Variants in DYNC1LI1 observed in about 807,000 individuals in gnomAD.
DYNC1LI1 encodes cytoplasmic dynein 1 light intermediate chain 1.
DYNC1LI1 carries 19 observed loss-of-function variants against 63.8 expected under a neutral mutation model. That is an observed-to-expected ratio of 0.30 (90% CI 0.21 to 0.44). The LOEUF (loss-of-function observed/expected upper bound fraction) is 0.44, where lower values mean the gene tolerates loss of function less well. DYNC1LI1 is among the 20% of genes least tolerant of loss of function. The pLI is 1.00. For synonymous variants in DYNC1LI1, 225 were observed against 232.3 expected, an observed-to-expected ratio of 0.97 and a Z score of 0.28; for missense variants, 565 against 630.2, an observed-to-expected ratio of 0.90 and a Z score of 1.11.
chr3:32,559,751 C>T (rs999430303), intron 2 of DYNC1LI1, among the ~76,000 whole-genome samples: 2 of 152,274 alleles, frequency 1.3e-5, no homozygotes, highest in East Asian at 3.9e-4. Context: ...GTGCTATATC[C>T]CTTCCTTATC....
At chr3:32,569,996 AC>A (rs768325575) in intron 2 of DYNC1LI1, 7 of 398,988 alleles carry the variant, frequency 1.8e-5, no homozygotes, top group Non-Finnish European at 2.8e-5. Flanking sequence ...GCCTCCTGCT[AC>A]CAATTTTTGT....
chr3:32,556,754 C>A (rs147911528), intron 2 of DYNC1LI1, among the ~76,000 whole-genome samples: 28 of 152,252 alleles, frequency 1.8e-4, no homozygotes, highest in African/African-American at 5.3e-4. Context: ...GTTAACCAGG[C>A]TGGTCTTGAA....
At chr3:32,544,777 C>A in intron 4 of DYNC1LI1, 99 bp downstream of exon 4, 3 of 790,368 alleles carry the variant, frequency 3.8e-6, no homozygotes, top group Non-Finnish European at 2.0e-6. Flanking sequence ...AATATGCTTA[C>A]TTCATTAAAC....
At chr3:32,560,177 GTA>G (rs1346650269) in intron 2 of DYNC1LI1, among the ~76,000 whole-genome samples, 1 of 152,208 alleles carries the variant, frequency 6.6e-6, no homozygotes, top group Non-Finnish European at 1.5e-5. Flanking sequence ...GCTCACAGCT[GTA>G]ATCCCAAAAC....
At chr3:32,553,678 C>G (rs1011531459) in intron 2 of DYNC1LI1, among the ~76,000 whole-genome samples, 1 of 152,196 alleles carries the variant, frequency 6.6e-6, no homozygotes, top group Non-Finnish European at 1.5e-5. Context: ...GCAGTGAACA[C>G]TTACAGAGTG....
At chr3:32,552,959 T>C (rs1247631645) in intron 2 of DYNC1LI1, among the ~76,000 whole-genome samples, 2 of 152,254 alleles carry the variant, frequency 1.3e-5, no homozygotes, top group African/African-American at 4.8e-5. Context: ...CCTCCCAAAG[T>C]GCTGGGATTA....
chr3:32,549,741 A>G (rs1485514069), intron 2 of DYNC1LI1, among the ~76,000 whole-genome samples: 12 of 152,212 alleles, frequency 7.9e-5, no homozygotes, highest in Admixed American at 7.9e-4. Context: ...CACTACCTTG[A>G]TTGAGCCATC....
In DYNC1LI1 at chr3:32,570,849, A is replaced by C; in HGVS notation, c.-79T>G. The stretch of plus-strand genomic sequence containing the variant: ...GGCGGTGGCGGTGGAGGCGGCGGGA[A>C]CCCGGATATGGGGCGTTCAGCGCAC... On this transcript the variant is annotated 5_prime_UTR_variant, in exon 1 of 13. Coordinates refer to ENST00000273130, the MANE Select transcript of DYNC1LI1 (RefSeq NM_016141.4). 1 of 1,476,896 alleles carries C rather than the reference A, an allele frequency of 6.8e-7. No homozygotes were observed. The highest frequency in any genetic ancestry group is 9.1e-7 in the Non-Finnish European group (1 of 1,102,420). 91.5% of individuals were successfully genotyped at this position (1,476,896 alleles called of 1,614,324 possible).
At chr3:32,554,298 A>G (rs1403681910) in intron 2 of DYNC1LI1, among the ~76,000 whole-genome samples, 2 of 152,218 alleles carry the variant, frequency 1.3e-5, no homozygotes, top group Non-Finnish European at 2.9e-5. Flanking sequence ...AGTACTCTGT[A>G]GATGTGTTTT....
At chr3:32,553,242 G>A (rs186270654) in intron 2 of DYNC1LI1, among the ~76,000 whole-genome samples, 1 of 152,232 alleles carries the variant, frequency 6.6e-6, no homozygotes, top group Non-Finnish European at 1.5e-5. Flanking sequence ...GGCTGAGGTG[G>A]GAGGACAGCT....
chr3:32,570,506 G>GGGCTGCCGGGAACGC (rs1430937886), intron 1 of DYNC1LI1, 87 bp from the exon 2 acceptor site: 1 of 1,481,654 alleles, frequency 6.7e-7, no homozygotes, highest in East Asian at 2.7e-5. Flanking sequence ...GCCGGGGATG[G>GGGCTGCCGGGAACGC]GGCTGCCGGG....
rs929995333 is a variant in DYNC1LI1, at chr3:32,569,093, C to T, written c.220+1253G>A. On this transcript the variant is annotated intron_variant, in intron 2 of 12. Transcript: ENST00000273130. ...TACAAACATTAACTCATTTGATTCC[C>T]GCCACAACCCTAGAGGCAAGTATTA... 4.6e-5 allele frequency among the ~76,000 whole-genome samples: 7 copies of T among 152,064 alleles called. No individual in the cohort carries two copies. In the South Asian group the frequency reaches 6.2e-4, roughly 14 times the overall value.
At chr3:32,533,522 G>A (rs1697730481) in intron 7 of DYNC1LI1, among the ~76,000 whole-genome samples, 1 of 151,802 alleles carries the variant, frequency 6.6e-6, no homozygotes, top group African/African-American at 2.4e-5. Flanking sequence ...GTTAACTTGG[G>A]GGAAGGGGGC....
chr3:32,567,511 A>C (rs1698283105), intron 2 of DYNC1LI1, among the ~76,000 whole-genome samples: 1 of 148,918 alleles, frequency 6.7e-6, no homozygotes, highest in Non-Finnish European at 1.5e-5. Flanking sequence ...TCATAGGCTC[A>C]GATTTGGTTT....
intron 12 of DYNC1LI1, among the ~76,000 whole-genome samples, chr3:32,527,788 T>G (rs1255066742): frequency 6.6e-6 from 1 of 151,850 alleles, no homozygotes; most frequent in Non-Finnish European, 1.5e-5. Flanking sequence ...ATAAATGAAA[T>G]GTGGTATAGC....
intron 6 of DYNC1LI1, among the ~76,000 whole-genome samples, chr3:32,535,830 T>C (rs1362408421): frequency 6.6e-6 from 1 of 152,210 alleles, no homozygotes; most frequent in East Asian, 1.9e-4. Context: ...TCTAATGGTC[T>C]CTATTTTGGT....
intron 12 of DYNC1LI1, among the ~76,000 whole-genome samples, chr3:32,528,112 CAAAAAAAAAAAAAAAAAAA>C (rs60912161): frequency 6.7e-5 from 2 of 29,896 alleles, no homozygotes; most frequent in Non-Finnish European, 1.5e-4. Flanking sequence ...GACTCCATCT[CAAAAAAAAAAAAAAAAAAA>C]AAAAAAAAAA....
intron 5 of DYNC1LI1, among the ~76,000 whole-genome samples, chr3:32,539,911 T>C (rs1305738185): frequency 7.2e-6 from 1 of 138,164 alleles, no homozygotes; most frequent in Non-Finnish European, 1.6e-5. Flanking sequence ...GTAGCCCAGG[T>C]TGGGGTGCAG....
rs1467642598 is a variant in DYNC1LI1, at chr3:32,528,504, G to A, written c.1404C>T (p.Ser468=). Residue 468 remains serine (S), a synonymous_variant, in exon 12 of 13, where the codon AGC becomes AGT. Coordinates refer to ENST00000273130, the MANE Select transcript of DYNC1LI1 (RefSeq NM_016141.4). ...TTCCACCTCCAGCCCCACCTGCAGGGCTACCACCACTCACACCAGGGCCTC... is the reference window on the plus strand; with the variant it reads ...TTCCACCTCCAGCCCCACCTGCAGGACTACCACCACTCACACCAGGGCCTC... ...SPGGPGVSGG[S]PAGGAGGGSS... 2 of 1,613,948 alleles carry A rather than the reference G, an allele frequency of 1.2e-6. No homozygotes were observed. The highest frequency in any genetic ancestry group is 2.7e-5 in the African/African-American group (2 of 74,892).
Sources: gnomAD v4.1 joint callset for allele counts (sites outside exome capture counted in the v4.1 genomes callset) on GRCh38, gnomAD v4.1.1 for gene constraint, MANE v1.5 for transcripts, NCBI Gene and HGNC (gene_info 2026-07-23, HGNC 2026-07-21) for gene names.